The following WBP11 variants were observed in gnomAD, a reference collection of about 807,000 sequenced individuals.
WBP11 encodes WW domain-binding protein 11.
A neutral mutation model predicts 66.7 loss-of-function variants in WBP11; 12 were observed. The observed-to-expected ratio is 0.18, with a 90% CI of 0.12 to 0.29. The LOEUF is 0.29. Ranked by LOEUF, WBP11 falls within the 10% of genes least tolerant of loss-of-function variation. The probability of loss-of-function intolerance (pLI) is 1.00; values close to 1 mark genes in which losing one functional copy is unlikely to be tolerated. For missense variants in WBP11, 555 were observed against 818.3 expected (o/e 0.68, Z 3.93); for synonymous variants, 255 against 273.8 (o/e 0.93, Z 0.68).
rs1288762146 is a variant in WBP11, at chr12:14,794,562, T to G, written c.696A>C (p.Glu232Asp). Reference sequence around the variant, plus strand: ...CAAGTTCAGGACTATATAACATGTCTTCATCTCGCCTACGAGGGGGAAGAT... The same window carrying G: ...CAAGTTCAGGACTATATAACATGTCGTCATCTCGCCTACGAGGGGGAAGAT... ...ALDLPPRRRD[E>D]DMLYSPELAQ... is the part of the protein sequence containing the mutation. The change falls in exon 7 of 12, where the codon GAA (glutamate) becomes GAC (aspartate). Residue 232 changes from glutamate to aspartate, a missense_variant. Coordinates refer to ENST00000261167, the MANE Select transcript of WBP11 (RefSeq NM_016312.3). 1 of 1,614,026 alleles carries G rather than the reference T, an allele frequency of 6.2e-7. No homozygotes were observed. Among genetic ancestry groups the G allele is most frequent in the South Asian group, 1.1e-5 (1 of 91,072 alleles).
intron 3 of WBP11, 120 bp downstream of exon 3, chr12:14,800,632 A>G: frequency 1.0e-6 from 1 of 989,082 alleles, no homozygotes; most frequent in Non-Finnish European, 1.5e-6. Context: ...GTTTTTATAA[A>G]AAGCATAAAG....
rs1949789764 is a variant in WBP11 at position 14,789,046 on chromosome 12, C to T, written c.1397G>A (p.Arg466Gln). The change falls in exon 11 of 12, where the codon CGA becomes CAA. Residue 466 changes from arginine to glutamine, a missense_variant. Physicochemically the swap from Arg to Gln is conservative, Grantham distance 43. Coordinates refer to ENST00000261167, the MANE Select transcript of WBP11 (RefSeq NM_016312.3). ...RLLPPGPPPG[R>Q]PPGPPPGPPP... ...TGGACCTGGGGGAGGGCCAGGGGGTCGGCCTGGTGGTGGTCCTGGAGGTAA... is the reference window on the plus strand; with the variant it reads ...TGGACCTGGGGGAGGGCCAGGGGGTTGGCCTGGTGGTGGTCCTGGAGGTAA... 1.3e-6 allele frequency: 2 copies of T among 1,509,736 alleles called. No homozygotes were observed. The highest frequency in any genetic ancestry group is 8.7e-7 in the Non-Finnish European group (1 of 1,143,486). The allele number at this position is 1,509,736 out of a possible 1,614,324, so 93.5% of individuals were successfully genotyped here. A position where few individuals can be genotyped will look rare whatever the true frequency, so the allele number is the denominator to read the frequency against.
chr12:14,802,389 T>C (rs1457372142), intron 1 of WBP11, among the ~76,000 whole-genome samples: 1 of 152,200 alleles, frequency 6.6e-6, no homozygotes, highest in East Asian at 1.9e-4. Flanking sequence ...TTAATGTCTC[T>C]TTCACCAAGT....
Position 14,786,351 on chromosome 12 carries a change from G to GT in WBP11, c.*713dup, listed in dbSNP as rs1949754724. 6.6e-6 allele frequency: 1 copy of GT among 152,142 alleles called. No individual in the cohort carries two copies. Among genetic ancestry groups the GT allele is most frequent in the Non-Finnish European group, 1.5e-5 (1 of 68,018 alleles). The allele number at this position is 152,142 out of a possible 1,614,324, so 9.4% of individuals were successfully genotyped here. A position where few individuals can be genotyped will look rare whatever the true frequency, so the allele number is the denominator to read the frequency against. On this transcript the variant is annotated 3_prime_UTR_variant, in exon 12 of 12. Coordinates refer to ENST00000261167, the MANE Select transcript of WBP11 (RefSeq NM_016312.3). Reference sequence around the variant, plus strand: ...AAATTTAAAATGTAGTTTTTACCATGTTTTCAGTAAGATTCTCATTCTGTA... The same window carrying GT: ...AAATTTAAAATGTAGTTTTTACCATGTTTTTCAGTAAGATTCTCATTCTGTA...
At chr12:14,791,304 G>C in intron 8 of WBP11, 34 bp from the exon 9 acceptor site, 1 of 1,586,562 alleles carries the variant, frequency 6.3e-7, no homozygotes, top group Non-Finnish European at 8.7e-7. Flanking sequence ...GAGTAGATTG[G>C]CATCAACAAA....
At chr12:14,803,115 G>A (rs1337577384) in intron 1 of WBP11, among the ~76,000 whole-genome samples, 2 of 152,178 alleles carry the variant, frequency 1.3e-5, no homozygotes, top group African/African-American at 4.8e-5. Context: ...TCAAACCTAA[G>A]GCTACTAATC....
In WBP11 at chr12:14,794,662, G is replaced by A. The variant is rs1365798152; in HGVS notation, c.596C>T (p.Pro199Leu). ...AGGTGGACCAGGGGGAGGGCCAGGA[G>A]GTTTTCTGCCAGGGGGCAAACGTGG... ...GVPRLPPGRK[P>L]PGPPPGPPPP... Residue 199 changes from proline to leucine, a missense_variant, in exon 7 of 12, where the codon CCT (proline) becomes CTT (leucine). Pro to Leu is a moderately conservative substitution (Grantham distance 98). This residue lies in a region of WBP11 where 220 missense variants were observed against 268.2 expected (regional missense o/e 0.82). Transcript: ENST00000261167. 6.2e-7 allele frequency: 1 copy of A among 1,612,664 alleles called. No individual in the cohort carries two copies. Among genetic ancestry groups the A allele is most frequent in the Admixed American group, 1.7e-5 (1 of 59,906 alleles).
intron 3 of WBP11, 48 bp downstream of exon 3, chr12:14,800,704 T>C: frequency 1.3e-6 from 2 of 1,497,400 alleles, no homozygotes; most frequent in Non-Finnish European, 1.8e-6. Context: ...AATCACAAGA[T>C]GTACCAAACA....
intron 9 of WBP11, 64 bp downstream of exon 9, chr12:14,791,105 G>A (rs1281640845): frequency 8.2e-6 from 12 of 1,470,878 alleles, no homozygotes; most frequent in Middle Eastern, 2.1e-4. Flanking sequence ...ATGGAAAAAC[G>A]TATGTAAAGT....
intron 2 of WBP11, 25 bp downstream of exon 2, chr12:14,801,295 T>C (rs1319401266): frequency 6.2e-7 from 1 of 1,610,976 alleles, no homozygotes; most frequent in Non-Finnish European, 8.5e-7. Context: ...TCCTACTTCA[T>C]CATTCCACAC....
chr12:14,797,138 A>G (rs1949902933), intron 4 of WBP11, 135 bp from the exon 5 acceptor site: 1 of 536,318 alleles, frequency 1.9e-6, no homozygotes, highest in Non-Finnish European at 2.9e-6. Flanking sequence ...ACTCTTTTCA[A>G]TTTTATTCGA....
intron 11 of WBP11, among the ~76,000 whole-genome samples, chr12:14,787,880 A>C (rs554512622): frequency 2.6e-5 from 4 of 152,330 alleles, no homozygotes; most frequent in South Asian, 2.1e-4. Context: ...ATTATATTCC[A>C]TACCATTTCC....
At chr12:14,799,123 AG>A (rs956978964) in intron 4 of WBP11, among the ~76,000 whole-genome samples, 2 of 152,220 alleles carry the variant, frequency 1.3e-5, no homozygotes, top group African/African-American at 4.8e-5. Flanking sequence ...AATGTGAAAA[AG>A]GCAGAGAATC....
At position 14,786,675 on chromosome 12, in the gene WBP11, A is replaced by G. The variant is rs1459247762; in HGVS notation, c.*390T>C. The G allele has an allele frequency of 6.3e-6, 1 of 159,438 alleles. No individual in the cohort carries two copies. Among genetic ancestry groups the G allele is most frequent in the African/African-American group, 2.4e-5 (1 of 41,708 alleles). The allele number at this position is 159,438 out of a possible 1,614,324, so 9.9% of individuals were successfully genotyped here. A position where few individuals can be genotyped will look rare whatever the true frequency, so the allele number is the denominator to read the frequency against. On this transcript the variant is annotated 3_prime_UTR_variant, in exon 12 of 12. Transcript: ENST00000261167. ...AAAATATTAAAAATAACTCAAACAC[A>G]AAAGGCAAGATGAAATAAACTGTTT...
At chr12:14,798,392 C>A in intron 4 of WBP11, among the ~76,000 whole-genome samples, 1 of 152,220 alleles carries the variant, frequency 6.6e-6, no homozygotes, top group East Asian at 1.9e-4. Flanking sequence ...AAAACTGGTG[C>A]GTAGGTGTAT....
Position 14,787,041 on chromosome 12 carries a change from A to T in WBP11, c.*24T>A, listed in dbSNP as rs772931540. 3.8e-6 allele frequency: 6 copies of T among 1,597,892 alleles called. No homozygotes were observed. In the Admixed American group the frequency reaches 8.5e-5, roughly 23 times the overall value. On this transcript the variant is annotated 3_prime_UTR_variant, in exon 12 of 12. Transcript: ENST00000261167. ...TCCATGGGCCACTGTTGTGAACAGA[A>T]GCCTTTTCTGGCATCAAAAGCTGTC...
At chr12:14,802,448 A>T (rs1430603100) in intron 1 of WBP11, among the ~76,000 whole-genome samples, 3 of 152,216 alleles carry the variant, frequency 2.0e-5, no homozygotes. Flanking sequence ...GATGTTTCAC[A>T]GCTGTTCTGG....
rs758587104 is a variant in WBP11, at chr12:14,791,316, T to C, written c.914-46A>G. On this transcript the variant is annotated intron_variant, in intron 8 of 11. Coordinates refer to ENST00000261167, the MANE Select transcript of WBP11 (RefSeq NM_016312.3). Reference sequence around the variant, plus strand: ...GTGGAGTAGATTGGCATCAACAAAATTCAGTAAATGTTTACTACGTAGCAC... The same window carrying C: ...GTGGAGTAGATTGGCATCAACAAAACTCAGTAAATGTTTACTACGTAGCAC... The C allele has an allele frequency of 9.1e-6, 14 of 1,540,918 alleles. No homozygotes were observed. In the East Asian group the frequency reaches 3.2e-4, roughly 35 times the overall value.
rs575372554 is a variant in WBP11 at position 14,788,469 on chromosome 12, TGAGA to T, written c.1492+478_1492+481del. Among the ~76,000 whole-genome samples the T allele has an allele frequency of 3.2e-3, 484 of 151,378 alleles. 2 individuals carry two copies. The highest frequency in any genetic ancestry group is 0.011 in the African/African-American group (473 of 41,274). On this transcript the variant is annotated intron_variant, in intron 11 of 11. Coordinates refer to ENST00000261167, the MANE Select transcript of WBP11 (RefSeq NM_016312.3). Reference sequence around the variant, plus strand: ...AACTCATAATTATTCTGTGTACCACTGAGAGAGAGAGAGGAAAAAAAGCCCCAGC... The same window carrying T: ...AACTCATAATTATTCTGTGTACCACTGAGAGAGAGGAAAAAAAGCCCCAGC...
Sources: gnomAD v4.1 joint callset for allele counts (sites outside exome capture counted in the v4.1 genomes callset) on GRCh38, gnomAD v4.1.1 for gene constraint, gnomAD v4.1.1 regional missense constraint, MANE v1.5 for transcripts, NCBI Gene and HGNC (gene_info 2026-07-23, HGNC 2026-07-21) for gene names.